MOB1B: variants seen among roughly 807,000 people sequenced by gnomAD.
The protein encoded by MOB1B is MOB1 Mps One Binder homolog B.
MOB1B carries 19 observed loss-of-function variants against 24.4 expected under a neutral mutation model. The observed-to-expected ratio is 0.78, with a 90% CI of 0.54 to 1.14. The LOEUF (loss-of-function observed/expected upper bound fraction) is 1.14, where lower values mean the gene tolerates loss of function less well. Among genes scored for constraint, MOB1B ranks in the 50% most tolerant of loss-of-function variants. MOB1B has a pLI of 0.00. For synonymous variants in MOB1B, 76 were observed against 82.1 expected, an observed-to-expected ratio of 0.93 and a Z score of 0.40; for missense variants, 243 against 259.6, an observed-to-expected ratio of 0.94 and a Z score of 0.44.
At chr4:70,967,734 A>G (rs1738590870) in intron 2 of MOB1B, among the ~76,000 whole-genome samples, 1 of 152,204 alleles carries the variant, frequency 6.6e-6, no homozygotes, top group African/African-American at 2.4e-5. Context: ...AGGAAAAAAA[A>G]TATTAGCATC....
At chr4:70,973,490 A>C (rs1475174597) in intron 3 of MOB1B, among the ~76,000 whole-genome samples, 3 of 151,858 alleles carry the variant, frequency 2.0e-5, no homozygotes, top group Non-Finnish European at 4.4e-5. Context: ...AAAAAAAAAA[A>C]AAACATAATG....
chr4:70,939,862 T>C (rs1737260530), intron 1 of MOB1B, among the ~76,000 whole-genome samples: 1 of 152,200 alleles, frequency 6.6e-6, no homozygotes, highest in Non-Finnish European at 1.5e-5. Context: ...ACAGGTGGAC[T>C]TGGAGAAAGA....
In MOB1B at chr4:70,911,404, CAT is replaced by C. The variant is rs200277542; in HGVS notation, c.14+8859_14+8860del. ...AAAGGATAACATCTTACATATATGTCATATATTATATCCTTATATATAATATA... is the reference window on the plus strand; with the variant it reads ...AAAGGATAACATCTTACATATATGTCATATTATATCCTTATATATAATATA... On this transcript the variant is annotated intron_variant, in intron 1 of 5. Transcript: ENST00000309395. Among the ~76,000 whole-genome samples, 1,429 of 150,956 alleles carry C rather than the reference CAT, an allele frequency of 9.5e-3. 29 individuals are homozygous for C. The highest frequency in any genetic ancestry group is 0.033 in the African/African-American group (1,367 of 41,204).
intron 1 of MOB1B, among the ~76,000 whole-genome samples, chr4:70,954,731 G>A (rs1353903348): frequency 1.4e-5 from 2 of 146,826 alleles, no homozygotes; most frequent in African/African-American, 2.5e-5. Flanking sequence ...TGGGATTACC[G>A]GCATGAGCCA....
At chr4:70,973,385 G>T (rs1407148903) in intron 3 of MOB1B, among the ~76,000 whole-genome samples, 1 of 149,716 alleles carries the variant, frequency 6.7e-6, no homozygotes, top group East Asian at 2.0e-4. Context: ...TGGGAGGATT[G>T]CTTGCGCCCA....
intron 1 of MOB1B, among the ~76,000 whole-genome samples, chr4:70,918,387 TGGTG>T (rs1736278772): frequency 6.6e-6 from 1 of 151,442 alleles, no homozygotes; most frequent in Non-Finnish European, 1.5e-5. Flanking sequence ...CCATTCTAAC[TGGTG>T]TGAGATGGTA....
intron 2 of MOB1B, among the ~76,000 whole-genome samples, chr4:70,960,032 C>T (rs1488535441): frequency 6.6e-6 from 1 of 152,008 alleles, no homozygotes. Context: ...TATAGGCACG[C>T]ACCACCATGT....
intron 1 of MOB1B, among the ~76,000 whole-genome samples, chr4:70,955,572 G>A (rs1277605485): frequency 2.1e-5 from 3 of 146,062 alleles, no homozygotes; most frequent in African/African-American, 7.6e-5. Context: ...CTGGGTTCAA[G>A]CGATTCTCCT....
intron 2 of MOB1B, among the ~76,000 whole-genome samples, chr4:70,967,325 G>A (rs1281972373): frequency 6.6e-6 from 1 of 152,046 alleles, no homozygotes; most frequent in African/African-American, 2.4e-5. Flanking sequence ...GTAGACATAG[G>A]GTTTCACCAT....
intron 1 of MOB1B, among the ~76,000 whole-genome samples, chr4:70,940,153 G>C (rs542249774): frequency 1.3e-5 from 2 of 152,208 alleles, no homozygotes; most frequent in South Asian, 4.2e-4. Flanking sequence ...TGTCTCTCCT[G>C]TTAGGGTCTC....
intron 1 of MOB1B, among the ~76,000 whole-genome samples, chr4:70,928,845 C>T (rs187620070): frequency 6.6e-6 from 1 of 152,148 alleles, no homozygotes; most frequent in South Asian, 2.1e-4. Context: ...ACCTTGGCCT[C>T]CCAAAATGCC....
At chr4:70,959,145 A>G (rs1326086098) in intron 2 of MOB1B, 105 bp downstream of exon 2, 1 of 834,028 alleles carries the variant, frequency 1.2e-6, no homozygotes, top group East Asian at 2.6e-5. Context: ...GTAAGCTAAT[A>G]TCATAAAAGA....
chr4:70,967,913 T>C (rs1025553949), intron 2 of MOB1B, among the ~76,000 whole-genome samples: 2 of 152,154 alleles, frequency 1.3e-5, no homozygotes, highest in African/African-American at 4.8e-5. Flanking sequence ...ACTGCAGCTT[T>C]GAACTTTCCT....
At chr4:70,932,406 C>CT (rs1430174536) in intron 1 of MOB1B, among the ~76,000 whole-genome samples, 1 of 151,970 alleles carries the variant, frequency 6.6e-6, no homozygotes, top group African/African-American at 2.4e-5. Flanking sequence ...CTTTTTCTTT[C>CT]TTTTTTTTAA....
At position 70,909,050 on chromosome 4, in the gene MOB1B, C is replaced by CAA. The variant is rs746664159; in HGVS notation, c.14+6516_14+6517dup. On this transcript the variant is annotated intron_variant, in intron 1 of 5. Transcript: ENST00000309395. ...TGGGCGACAGAGTGAGACTCCATCT[C>CAA]AAAAAAAAAAAAAAAAATTAGCAAT... Among the ~76,000 whole-genome samples the CAA allele has an allele frequency of 1.1e-3, 97 of 85,748 alleles. 1 individual carries two copies. Among genetic ancestry groups the CAA allele is most frequent in the African/African-American group, 3.6e-3 (88 of 24,740 alleles). 56.3% of individuals were successfully genotyped at this position (85,748 alleles called of 152,430 possible). A position where few individuals can be genotyped will look rare whatever the true frequency, so the allele number is the denominator to read the frequency against.
intron 2 of MOB1B, 100 bp from the exon 3 acceptor site, chr4:70,969,831 G>A (rs1461220781): frequency 8.9e-6 from 5 of 561,696 alleles, no homozygotes; most frequent in Non-Finnish European, 1.5e-5. Context: ...TTCTTTGTAG[G>A]GGAACGAACG....
intron 1 of MOB1B, among the ~76,000 whole-genome samples, chr4:70,933,542 CTTTTTTTTT>C (rs34950388): frequency 0.08 from 7,325 of 91,360 alleles, 293 homozygotes; most frequent in African/African-American, 0.21. Flanking sequence ...AAAAATAACT[CTTTTTTTTT>C]TTTTTTTTTT....
At chr4:70,910,520 G>A (rs1459243626) in intron 1 of MOB1B, among the ~76,000 whole-genome samples, 6 of 151,364 alleles carry the variant, frequency 4.0e-5, no homozygotes, top group Non-Finnish European at 5.9e-5. Context: ...TTGTTATTAA[G>A]GGAAGTCTTA....
chr4:70,926,074 A>G (rs1041140412), intron 1 of MOB1B, among the ~76,000 whole-genome samples: 13 of 151,896 alleles, frequency 8.6e-5, no homozygotes, highest in Non-Finnish European at 1.6e-4. Context: ...TGCAACCTCA[A>G]CCTCCTGGGC....
Sources: allele counts gnomAD v4.1 joint callset (sites outside exome capture counted in the v4.1 genomes callset), GRCh38; gene constraint gnomAD v4.1.1; transcripts MANE v1.5; gene names NCBI Gene and HGNC (gene_info 2026-07-23, HGNC 2026-07-21).